SMYD3: variants seen among roughly 807,000 people sequenced by gnomAD.
The protein encoded by SMYD3 is histone-lysine N-methyltransferase SMYD3.
In SMYD3, 36 loss-of-function variants were observed where a neutral mutation model predicts 57.7. That is an observed-to-expected ratio of 0.62 (90% CI 0.48 to 0.82). The LOEUF is 0.82. Ranked by LOEUF, SMYD3 falls within the 40% of genes least tolerant of loss-of-function variation. The probability of loss-of-function intolerance (pLI) is 0.00; values close to 1 mark genes in which losing one functional copy is unlikely to be tolerated. For missense variants in SMYD3, 515 were observed against 538.8 expected, an observed-to-expected ratio of 0.96 and a Z score of 0.44; for synonymous variants, 211 against 195.0, an observed-to-expected ratio of 1.08 and a Z score of -0.68.
intron 1 of SMYD3, among the ~76,000 whole-genome samples, chr1:246,421,443 A>G (rs576693680): frequency 6.6e-6 from 1 of 152,284 alleles, no homozygotes; most frequent in Middle Eastern, 3.4e-3. Flanking sequence ...ATAAAATAGA[A>G]AAGGTGACCT....
At chr1:245,771,914 A>C (rs2046355396) in intron 10 of SMYD3, among the ~76,000 whole-genome samples, 1 of 152,200 alleles carries the variant, frequency 6.6e-6, no homozygotes, top group Non-Finnish European at 1.5e-5. Context: ...AAACCACCTC[A>C]GAACACGGAG....
At chr1:246,447,737 T>G (rs960099810) in intron 1 of SMYD3, among the ~76,000 whole-genome samples, 1 of 152,218 alleles carries the variant, frequency 6.6e-6, no homozygotes, top group Non-Finnish European at 1.5e-5. Flanking sequence ...TTCTCCCAGT[T>G]AGAAGCAGCC....
intron 1 of SMYD3, among the ~76,000 whole-genome samples, chr1:246,489,069 G>A (rs113636557): frequency 3.3e-5 from 5 of 152,098 alleles, no homozygotes; most frequent in Non-Finnish European, 5.9e-5. Context: ...AATGCAGGCC[G>A]GGCGCGGTGG....
At chr1:246,091,484 C>T (rs926120612) in intron 5 of SMYD3, among the ~76,000 whole-genome samples, 1 of 127,130 alleles carries the variant, frequency 7.9e-6, no homozygotes, top group Non-Finnish European at 1.8e-5. Flanking sequence ...GCCTATTAAA[C>T]CTCAGCACAA....
chr1:246,068,729 C>A (rs2787994), intron 5 of SMYD3, among the ~76,000 whole-genome samples: 1 of 152,046 alleles, frequency 6.6e-6, no homozygotes, highest in Non-Finnish European at 1.5e-5. Flanking sequence ...ATAAAAAATA[C>A]TACTCTTATT....
intron 1 of SMYD3, among the ~76,000 whole-genome samples, chr1:246,428,110 AAAGT>A (rs2103005711): frequency 6.6e-6 from 1 of 152,300 alleles, no homozygotes; most frequent in Admixed American, 6.5e-5. Context: ...CTTATTTGTT[AAAGT>A]AAGGGGGAAG....
In SMYD3 at chr1:246,422,539, C is replaced by T. The variant is rs190808684; in HGVS notation, c.165-67445G>A. 7.9e-4 allele frequency among the ~76,000 whole-genome samples: 120 copies of T among 152,184 alleles called. 1 individual carries two copies. The highest frequency in any genetic ancestry group is 2.8e-3 in the African/African-American group (116 of 41,508). ...TCCTGCGTTCAAGGGATTCTCCTGC[C>T]TCAGCCTCCTGAGCAGCTGGGACTA... On this transcript the variant is annotated intron_variant, in intron 1 of 11. Coordinates refer to ENST00000490107, the MANE Select transcript of SMYD3 (RefSeq NM_001167740.2).
intron 10 of SMYD3, among the ~76,000 whole-genome samples, chr1:245,783,180 G>A (rs768380590): frequency 1.3e-5 from 2 of 152,178 alleles, no homozygotes; most frequent in South Asian, 2.1e-4. Flanking sequence ...CATACATAAC[G>A]TGATAAGAGA....
chr1:246,221,489 G>C (rs1437314556), intron 5 of SMYD3, among the ~76,000 whole-genome samples: 1 of 152,182 alleles, frequency 6.6e-6, no homozygotes, highest in Non-Finnish European at 1.5e-5. Context: ...GCAACCCTTC[G>C]GGTAGCCCAG....
rs940700663 is a variant in SMYD3 at position 245,749,368 on chromosome 1, T to C, written c.*195A>G. The stretch of plus-strand genomic sequence containing the variant: ...GGCATCCTCAACCAAATGTTTTGAA[T>C]TTATTATAATCGTGCTTCTCTACAA... On this transcript the variant is annotated 3_prime_UTR_variant, in exon 12 of 12. Transcript: ENST00000490107. 3.4e-5 allele frequency: 17 copies of C among 493,798 alleles called. No individual in the cohort carries two copies. The highest frequency in any genetic ancestry group is 4.1e-5 in the South Asian group (1 of 24,448). 30.6% of individuals were successfully genotyped at this position (493,798 alleles called of 1,614,324 possible).
At chr1:246,155,869 T>A (rs1198770444) in intron 5 of SMYD3, among the ~76,000 whole-genome samples, 2 of 152,094 alleles carry the variant, frequency 1.3e-5, no homozygotes, top group African/African-American at 2.4e-5. Flanking sequence ...GCACCTGTAG[T>A]CCTGGCTACT....
intron 5 of SMYD3, among the ~76,000 whole-genome samples, chr1:245,962,390 G>A (rs560830245): frequency 4.9e-4 from 74 of 152,268 alleles, no homozygotes; most frequent in African/African-American, 1.7e-3. Context: ...GTAGTTTTGC[G>A]GATGTTGATC....
intron 5 of SMYD3, among the ~76,000 whole-genome samples, chr1:246,115,905 A>G (rs1362432550): frequency 2.6e-5 from 4 of 151,932 alleles, no homozygotes; most frequent in African/African-American, 9.7e-5. Flanking sequence ...TCCGGAGGCC[A>G]AGGCGGGCAG....
chr1:245,892,563 G>A (rs1003125579), intron 8 of SMYD3, among the ~76,000 whole-genome samples: 2 of 152,128 alleles, frequency 1.3e-5, no homozygotes, highest in Admixed American at 6.5e-5. Flanking sequence ...CATGTCTCTG[G>A]CCAGTTGCTG....
At chr1:245,940,169 T>A (rs1017047218) in intron 5 of SMYD3, among the ~76,000 whole-genome samples, 1 of 152,138 alleles carries the variant, frequency 6.6e-6, no homozygotes, top group African/African-American at 2.4e-5. Context: ...GGGGCAGCTA[T>A]GGTCTCTATG....
intron 10 of SMYD3, among the ~76,000 whole-genome samples, chr1:245,792,644 T>C (rs911618535): frequency 2.0e-5 from 3 of 152,242 alleles, no homozygotes; most frequent in Non-Finnish European, 4.4e-5. Context: ...TCCATCAACA[T>C]ATCTGTAAGC....
chr1:245,839,014 C>T (rs2050250249), intron 10 of SMYD3, among the ~76,000 whole-genome samples: 1 of 152,120 alleles, frequency 6.6e-6, no homozygotes, highest in East Asian at 1.9e-4. Flanking sequence ...CAGCACTAGC[C>T]CCTCTCAGGG....
At chr1:245,808,359 C>A (rs1286774571) in intron 10 of SMYD3, among the ~76,000 whole-genome samples, 7 of 152,184 alleles carry the variant, frequency 4.6e-5, no homozygotes, top group African/African-American at 1.7e-4. Flanking sequence ...CCACATGCTG[C>A]CATGATGCCC....
intron 10 of SMYD3, among the ~76,000 whole-genome samples, chr1:245,815,346 C>T (rs939213201): frequency 6.6e-6 from 1 of 152,238 alleles, no homozygotes; most frequent in Non-Finnish European, 1.5e-5. Flanking sequence ...TGCACACAGA[C>T]ATGACCCTAC....
Sources: allele counts gnomAD v4.1 joint callset (sites outside exome capture counted in the v4.1 genomes callset), GRCh38; gene constraint gnomAD v4.1.1; transcripts MANE v1.5; gene names NCBI Gene and HGNC (gene_info 2026-07-23, HGNC 2026-07-21).